SLC35A5: variants seen among roughly 807,000 people sequenced by gnomAD.
SLC35A5 encodes UDP-sugar transporter protein SLC35A5.
A neutral mutation model predicts 36.3 loss-of-function variants in SLC35A5; 28 were observed. The ratio of observed to expected loss-of-function variants is 0.77; its 90% CI spans 0.57 to 1.06. The LOEUF is 1.06. SLC35A5 is among the 50% of genes least tolerant of loss of function. The pLI is 0.00. For missense variants in SLC35A5, 521 were observed against 499.3 expected (o/e 1.04, Z -0.41); for synonymous variants, 180 against 173.7 (o/e 1.04, Z -0.29).
At chr3:112,563,670 TGATTATTTAACCTTGCATTCC>T (rs1934056043) in intron 2 of SLC35A5, 137 bp downstream of exon 2, 14 of 961,570 alleles carry the variant, frequency 1.5e-5, no homozygotes, top group Non-Finnish European at 2.0e-5. Context: ...TATTTAAATT[TGATTATTTAACCTTGCATTCC>T]TCAACAAGAA....
At chr3:112,571,990 C>T (rs893612454) in intron 4 of SLC35A5, among the ~76,000 whole-genome samples, 12 of 122,550 alleles carry the variant, frequency 9.8e-5, no homozygotes, top group Non-Finnish European at 1.3e-4. Flanking sequence ...GGCCGGACTA[C>T]GGACTGCAGT....
At chr3:112,572,917 C>T (rs1372432563) in intron 4 of SLC35A5, among the ~76,000 whole-genome samples, 1 of 152,220 alleles carries the variant, frequency 6.6e-6, no homozygotes, top group Non-Finnish European at 1.5e-5. Context: ...TCTTACTCAT[C>T]TCCTAACTAG....
chr3:112,561,423 C>A (rs1933872976), upstream of SLC35A5: 2 of 1,607,344 alleles, frequency 1.2e-6, no homozygotes, highest in Non-Finnish European at 8.5e-7. Flanking sequence ...CGAGCATGTG[C>A]CTGACAGCTC....
At position 112,562,212 on chromosome 3, in the gene SLC35A5, T is replaced by A. The variant is rs1416162750; in HGVS notation, c.-81T>A. 1 of 152,762 alleles carries A rather than the reference T, an allele frequency of 6.5e-6. No individual in the cohort carries two copies. Among genetic ancestry groups the A allele is most frequent in the African/African-American group, 2.4e-5 (1 of 41,472 alleles). The allele number at this position is 152,762 out of a possible 1,614,324, so 9.5% of individuals were successfully genotyped here. A position where few individuals can be genotyped will look rare whatever the true frequency, so the allele number is the denominator to read the frequency against. Reference sequence around the variant, plus strand: ...AAGGCTACTGCTGCTACTACGGGGCTAGACAGTTACTGTCTCAGCTCTAGG... The same window carrying A: ...AAGGCTACTGCTGCTACTACGGGGCAAGACAGTTACTGTCTCAGCTCTAGG... On this transcript the variant is annotated 5_prime_UTR_variant, in exon 1 of 7. Coordinates refer to ENST00000492406, the MANE Select transcript of SLC35A5 (RefSeq NM_017945.5).
At chr3:112,561,576 G>A (rs746807229), upstream of SLC35A5, 6 of 1,575,910 alleles carry the variant, frequency 3.8e-6, no homozygotes, top group Non-Finnish European at 4.3e-6. Flanking sequence ...GGAAAGTGCA[G>A]CCGTGTCAGG....
At position 112,562,203 on chromosome 3, in the gene SLC35A5, C is replaced by T. The variant is rs1162933278; in HGVS notation, c.-90C>T. On this transcript the variant is annotated 5_prime_UTR_variant, in exon 1 of 7. Transcript: ENST00000492406. ...TGGACCCTAAAGGCTACTGCTGCTA[C>T]TACGGGGCTAGACAGTTACTGTCTC... 2 of 152,868 alleles carry T rather than the reference C, an allele frequency of 1.3e-5. No individual in the cohort carries two copies. The highest frequency in any genetic ancestry group is 2.9e-5 in the Non-Finnish European group (2 of 68,258). The allele number at this position is 152,868 out of a possible 1,614,324, so 9.5% of individuals were successfully genotyped here. A position where few individuals can be genotyped will look rare whatever the true frequency, so the allele number is the denominator to read the frequency against.
chr3:112,575,125 T>C (rs571925433), intron 5 of SLC35A5, among the ~76,000 whole-genome samples: 3 of 152,300 alleles, frequency 2.0e-5, no homozygotes, highest in Non-Finnish European at 4.4e-5. Context: ...TTGATTCCTG[T>C]GATAGATTAG....
In SLC35A5 at chr3:112,573,939, A is replaced by G. The variant is rs1038980449; in HGVS notation, c.411A>G (p.Leu137=). Residue 137 remains leucine, a synonymous_variant, in exon 5 of 7, where the codon CTA becomes CTG. Transcript: ENST00000492406. The part of the protein sequence containing the change: ...SNFSIITTAL[L]FRIVLKRRLN... ...TTAGCATTATAACAACAGCTCTTCT[A>G]TTCAGGATAGTGCTGAAGTAAGTAA... is the stretch of plus-strand genomic sequence containing the variant. The G allele has an allele frequency of 5.6e-6, 9 of 1,612,998 alleles. No individual in the cohort carries two copies. In the African/African-American group the frequency reaches 8.0e-5, roughly 14 times the overall value.
At chr3:112,570,494 T>G in intron 3 of SLC35A5, 46 bp from the exon 4 acceptor site, 1 of 1,559,416 alleles carries the variant, frequency 6.4e-7, no homozygotes. Flanking sequence ...TCTCTAAAAA[T>G]GTGGGCATTC....
chr3:112,570,727 G>T, intron 4 of SLC35A5, 57 bp downstream of exon 4: 3 of 1,433,570 alleles, frequency 2.1e-6, no homozygotes, highest in East Asian at 2.6e-5. Flanking sequence ...ATAAATCCCA[G>T]AATTTTTTTT....
chr3:112,577,751 C>T (rs950899788), intron 5 of SLC35A5, among the ~76,000 whole-genome samples: 2 of 152,154 alleles, frequency 1.3e-5, no homozygotes, highest in Non-Finnish European at 2.9e-5. Context: ...CTGTCTGAAA[C>T]AGCAGAAGAA....
At chr3:112,574,809 T>G (rs1934598747) in intron 5 of SLC35A5, among the ~76,000 whole-genome samples, 1 of 152,098 alleles carries the variant, frequency 6.6e-6, no homozygotes, top group Non-Finnish European at 1.5e-5. Context: ...ATGATATACT[T>G]AATATATAAA....
Position 112,581,270 on chromosome 3 carries a change from C to T in SLC35A5, c.1153C>T (p.Pro385Ser). The T allele has an allele frequency of 3.1e-6, 5 of 1,613,554 alleles. No individual in the cohort carries two copies. The highest frequency in any genetic ancestry group is 4.2e-6 in the Non-Finnish European group (5 of 1,179,766). ...CAAGCCTCAAGTTCCGGAATACGCA[C>T]CTAGGCAAGAAAGGATCCGAGATCT... Reference protein sequence around the residue: ...ASKPQVPEYAPRQERIRDLSG... With the variant: ...ASKPQVPEYASRQERIRDLSG... Residue 385 changes from proline to serine, a missense_variant, in exon 6 of 7, where the codon CCT becomes TCT. Transcript: ENST00000492406.
intron 3 of SLC35A5, 123 bp from the exon 4 acceptor site, chr3:112,570,417 T>G: frequency 9.2e-7 from 1 of 1,092,126 alleles, no homozygotes; most frequent in Non-Finnish European, 1.3e-6. Context: ...GAGACAGTAA[T>G]GAAATGGAGG....
At chr3:112,566,031 A>G (rs1048076302) in intron 2 of SLC35A5, among the ~76,000 whole-genome samples, 3 of 152,244 alleles carry the variant, frequency 2.0e-5, no homozygotes, top group African/African-American at 7.2e-5. Context: ...GTTATTGCAA[A>G]GTAAAGCCAT....
intron 6 of SLC35A5, among the ~76,000 whole-genome samples, chr3:112,581,710 C>T (rs1012368162): frequency 1.3e-5 from 2 of 152,198 alleles, no homozygotes; most frequent in African/African-American, 4.8e-5. Flanking sequence ...GTCCCTTTCT[C>T]TTTCTTTTCC....
chr3:112,581,550 T>C (rs1317787026), intron 6 of SLC35A5, among the ~76,000 whole-genome samples: 1 of 152,210 alleles, frequency 6.6e-6, no homozygotes, highest in African/African-American at 2.4e-5. Flanking sequence ...TCAAGGACCT[T>C]ATGTGTTACT....
intron 5 of SLC35A5, among the ~76,000 whole-genome samples, chr3:112,575,115 T>G (rs949121937): frequency 6.6e-6 from 1 of 152,176 alleles, no homozygotes; most frequent in Non-Finnish European, 1.5e-5. Context: ...TATTTGTATA[T>G]TGATTCCTGT....
intron 3 of SLC35A5, chr3:112,570,299 G>C (rs552366000): frequency 3.5e-6 from 1 of 283,808 alleles, no homozygotes; most frequent in African/African-American, 2.2e-5. Flanking sequence ...TATTTATTCT[G>C]AGTTGCCTTA....
Sources: allele counts gnomAD v4.1 joint callset (sites outside exome capture counted in the v4.1 genomes callset), GRCh38; gene constraint gnomAD v4.1.1; transcripts MANE v1.5; gene names NCBI Gene and HGNC (gene_info 2026-07-23, HGNC 2026-07-21).